Variants in PLEKHM3 observed in about 807,000 individuals in gnomAD.
PLEKHM3 encodes the protein pleckstrin homology domain containing M3.
Under a neutral mutation model 81.8 loss-of-function variants are expected in PLEKHM3, and 45 were observed. That is an observed-to-expected ratio of 0.55 (90% CI 0.43 to 0.71). The LOEUF (loss-of-function observed/expected upper bound fraction) is 0.71. Among genes scored for constraint, PLEKHM3 ranks in the 30% least tolerant of loss-of-function variants. The pLI, the probability that PLEKHM3 is intolerant of heterozygous loss-of-function variation, is 0.00. For missense variants in PLEKHM3, 788 were observed against 924.3 expected (o/e 0.85, Z 1.91); for synonymous variants, 352 against 356.4 (o/e 0.99, Z 0.14).
At chr2:207,867,531 G>A (rs768284978) in intron 6 of PLEKHM3, among the ~76,000 whole-genome samples, 4 of 151,970 alleles carry the variant, frequency 2.6e-5, no homozygotes, top group East Asian at 1.9e-4. Flanking sequence ...AACAGAATCC[G>A]GCCATCCTAG....
chr2:207,922,581 G>A (rs1689220204), intron 5 of PLEKHM3, among the ~76,000 whole-genome samples: 1 of 152,100 alleles, frequency 6.6e-6, no homozygotes. Context: ...GGGAGGCCGA[G>A]GCGGGCGGAT....
intron 5 of PLEKHM3, among the ~76,000 whole-genome samples, chr2:207,918,365 A>G (rs988150826): frequency 6.6e-6 from 1 of 152,150 alleles, no homozygotes; most frequent in Admixed American, 6.6e-5. Context: ...TACTAAAAAT[A>G]CAAAAAATTA....
intron 6 of PLEKHM3, among the ~76,000 whole-genome samples, chr2:207,898,382 G>A (rs1688311187): frequency 6.6e-6 from 1 of 152,158 alleles, no homozygotes; most frequent in Non-Finnish European, 1.5e-5. Context: ...CTGCTTCAGG[G>A]ACAGATGCCA....
At chr2:207,995,542 T>C (rs1013295367) in intron 2 of PLEKHM3, among the ~76,000 whole-genome samples, 4 of 152,122 alleles carry the variant, frequency 2.6e-5, no homozygotes, top group Non-Finnish European at 4.4e-5. Context: ...TAGATTCAAA[T>C]TGAGGCTCCA....
chr2:208,012,586 C>A (rs533818750), intron 1 of PLEKHM3, among the ~76,000 whole-genome samples: 1 of 152,298 alleles, frequency 6.6e-6, no homozygotes, highest in East Asian at 1.9e-4. Flanking sequence ...GCCACTCAGA[C>A]TAAGTATTGA....
intron 1 of PLEKHM3, among the ~76,000 whole-genome samples, chr2:208,015,799 AC>A (rs1394547862): frequency 2.6e-5 from 4 of 152,274 alleles, no homozygotes; most frequent in Non-Finnish European, 5.9e-5. Context: ...ACTTAAAACA[AC>A]CTGCAAACAA....
intron 7 of PLEKHM3, among the ~76,000 whole-genome samples, chr2:207,859,349 G>T (rs1395314982): frequency 6.6e-6 from 1 of 151,654 alleles, no homozygotes; most frequent in Admixed American, 6.6e-5. Flanking sequence ...TGTTGGTCAG[G>T]GTGGTCTCGA....
chr2:207,964,135 C>G (rs1046915323), intron 3 of PLEKHM3, among the ~76,000 whole-genome samples: 2 of 152,078 alleles, frequency 1.3e-5, no homozygotes, highest in Admixed American at 6.6e-5. Context: ...TCACTTGAAC[C>G]CAGGAGGCGG....
intron 6 of PLEKHM3, among the ~76,000 whole-genome samples, chr2:207,896,102 G>A (rs959700626): frequency 8.5e-5 from 13 of 152,166 alleles, no homozygotes; most frequent in African/African-American, 2.9e-4. Flanking sequence ...GCAGATACAC[G>A]CAGAAAGACT....
At position 207,897,491 on chromosome 2, in the gene PLEKHM3, G is replaced by A. The variant is rs1428196491; in HGVS notation, c.1950+11023C>T. Among the ~76,000 whole-genome samples, 3 of 152,118 alleles carry A rather than the reference G, an allele frequency of 2.0e-5. No individual in the cohort carries two copies. The East Asian group carries it at 5.8e-4, about 29-fold the overall frequency. ...ACTCTAAGGCCTCACAACAACCTTC[G>A]GGGGCAGGTACTATTATTCTCACTT... On this transcript the variant is annotated intron_variant, in intron 6 of 7. Coordinates refer to ENST00000427836, the MANE Select transcript of PLEKHM3 (RefSeq NM_001080475.3).
At chr2:207,947,122 C>T (rs555277751) in intron 3 of PLEKHM3, among the ~76,000 whole-genome samples, 1 of 152,264 alleles carries the variant, frequency 6.6e-6, no homozygotes, top group East Asian at 1.9e-4. Flanking sequence ...TTGGCTCCAT[C>T]TCACTTTTCT....
At chr2:208,015,023 T>G (rs1022568404) in intron 1 of PLEKHM3, among the ~76,000 whole-genome samples, 1 of 152,242 alleles carries the variant, frequency 6.6e-6, no homozygotes, top group Non-Finnish European at 1.5e-5. Flanking sequence ...TCTTATAAGT[T>G]CTAATCTAAG....
At chr2:208,003,692 AG>A (rs1448456005) in intron 1 of PLEKHM3, among the ~76,000 whole-genome samples, 1 of 152,200 alleles carries the variant, frequency 6.6e-6, no homozygotes, top group Non-Finnish European at 1.5e-5. Flanking sequence ...AGCTGTAAAC[AG>A]GGTTTTTTTC....
intron 1 of PLEKHM3, among the ~76,000 whole-genome samples, chr2:208,008,525 A>AAC (rs60052604): frequency 9.3e-5 from 13 of 140,242 alleles, no homozygotes; most frequent in African/African-American, 2.9e-4. Flanking sequence ...AAAAAAAAAA[A>AAC]CAGACAAAAA....
intron 6 of PLEKHM3, among the ~76,000 whole-genome samples, chr2:207,902,301 G>A (rs1045372470): frequency 6.6e-6 from 1 of 152,214 alleles, no homozygotes; most frequent in African/African-American, 2.4e-5. Context: ...CTGATAATGG[G>A]TTTGTTTGGT....
At chr2:207,855,553 G>A (rs1263097655) in intron 7 of PLEKHM3, among the ~76,000 whole-genome samples, 2 of 152,164 alleles carry the variant, frequency 1.3e-5, no homozygotes, top group African/African-American at 4.8e-5. Flanking sequence ...CTTCCAAAAG[G>A]AACAGCATGG....
At chr2:207,983,794 T>G (rs1184499078) in intron 2 of PLEKHM3, among the ~76,000 whole-genome samples, 1 of 152,214 alleles carries the variant, frequency 6.6e-6, no homozygotes, top group Non-Finnish European at 1.5e-5. Flanking sequence ...GATTCACTTC[T>G]CTACTGCCAA....
intron 7 of PLEKHM3, among the ~76,000 whole-genome samples, chr2:207,831,603 T>C (rs2092288440): frequency 6.6e-6 from 1 of 152,206 alleles, no homozygotes; most frequent in South Asian, 2.1e-4. Context: ...ATGAGAAATA[T>C]ACTTTTAAGT....
chr2:208,023,255 G>A (rs978324280), intron 1 of PLEKHM3, among the ~76,000 whole-genome samples: 2 of 148,448 alleles, frequency 1.3e-5, no homozygotes, highest in Admixed American at 6.7e-5. Flanking sequence ...CAATGCCCCC[G>A]CCTCAGCCTC....
Sources: gnomAD v4.1 joint callset for allele counts (sites outside exome capture counted in the v4.1 genomes callset) on GRCh38, gnomAD v4.1.1 for gene constraint, MANE v1.5 for transcripts, NCBI Gene and HGNC (gene_info 2026-07-23, HGNC 2026-07-21) for gene names.